Variants in ADAMTS14 observed in about 807,000 individuals in gnomAD.
ADAMTS14 encodes the protein A disintegrin and metalloproteinase with thrombospondin motifs 14.
ADAMTS14 carries 100 observed loss-of-function variants against 128.6 expected under a neutral mutation model. The observed-to-expected ratio is 0.78, with a 90% CI of 0.66 to 0.92. The LOEUF is 0.92. Ranked by LOEUF, ADAMTS14 falls within the 40% of genes least tolerant of loss-of-function variation. ADAMTS14 has a pLI of 0.00. For synonymous variants in ADAMTS14, 665 were observed against 653.8 expected, an observed-to-expected ratio of 1.02 and a Z score of -0.26; for missense variants, 1,562 against 1,658.6, an observed-to-expected ratio of 0.94 and a Z score of 1.01.
chr10:70,760,758 C>G lies in ADAMTS14; in HGVS notation c.3577C>G (p.Gln1193Glu). The change falls in exon 22 of 22, where the codon CAG (glutamine) becomes GAG (glutamate). Residue 1193 changes from glutamine (Q) to glutamate (E), a missense_variant. Physicochemically the swap from Gln to Glu is conservative, Grantham distance 29. Coordinates refer to ENST00000373207, the MANE Select transcript of ADAMTS14 (RefSeq NM_080722.4). ...TPGGLPWGWT[Q>E]TPTPVPEDKG... ...CGGGGGGCTGCCTTGGGGCTGGACT[C>G]AGACACCTACGCCAGTCCCTGAGGA... The G allele has an allele frequency of 6.2e-7, 1 of 1,613,790 alleles. No homozygotes were observed.
intron 4 of ADAMTS14, among the ~76,000 whole-genome samples, chr10:70,712,317 G>T (rs1012589850): frequency 1.3e-5 from 2 of 152,174 alleles, no homozygotes; most frequent in Non-Finnish European, 2.9e-5. Flanking sequence ...TGGGTCCCAC[G>T]GCCCAAAACT....
intron 12 of ADAMTS14, among the ~76,000 whole-genome samples, chr10:70,742,690 CT>C (rs1479756917): frequency 6.6e-6 from 1 of 152,234 alleles, no homozygotes; most frequent in Non-Finnish European, 1.5e-5. Flanking sequence ...GGCAGCTGGA[CT>C]TTGGGTTTTT....
At chr10:70,743,815 C>G in intron 13 of ADAMTS14, 134 bp downstream of exon 13, 1 of 1,339,506 alleles carries the variant, frequency 7.5e-7, no homozygotes, top group Non-Finnish European at 9.9e-7. Flanking sequence ...TCAGCATAGC[C>G]CTGGGGTGCT....
At chr10:70,703,151 G>A (rs1443116161) in intron 3 of ADAMTS14, among the ~76,000 whole-genome samples, 1 of 152,208 alleles carries the variant, frequency 6.6e-6, no homozygotes, top group Non-Finnish European at 1.5e-5. Context: ...GTTAGGGTGG[G>A]AACCCCCTGA....
chr10:70,708,519 G>T, intron 3 of ADAMTS14, 69 bp from the exon 4 acceptor site: 6 of 1,395,480 alleles, frequency 4.3e-6, no homozygotes, highest in Non-Finnish European at 5.9e-6. Flanking sequence ...AGAGGTGGGT[G>T]GTGGGCAATG....
chr10:70,720,722 C>T (rs944374161), intron 4 of ADAMTS14, among the ~76,000 whole-genome samples: 2 of 152,236 alleles, frequency 1.3e-5, no homozygotes, highest in Non-Finnish European at 2.9e-5. Context: ...TGCGTGCACA[C>T]ATATAATACG....
intron 4 of ADAMTS14, among the ~76,000 whole-genome samples, chr10:70,722,320 G>C (rs1388803404): frequency 6.6e-6 from 1 of 152,202 alleles, no homozygotes; most frequent in African/African-American, 2.4e-5. Context: ...CCCTAGGACT[G>C]AGAAAGGACA....
intron 19 of ADAMTS14, among the ~76,000 whole-genome samples, chr10:70,756,892 C>T (rs1045033171): frequency 6.6e-6 from 1 of 152,192 alleles, no homozygotes; most frequent in African/African-American, 2.4e-5. Context: ...TGACCCTATT[C>T]ATATAATCAA....
chr10:70,752,457 C>G (rs1246469934), intron 18 of ADAMTS14, among the ~76,000 whole-genome samples: 1 of 152,180 alleles, frequency 6.6e-6, no homozygotes, highest in South Asian at 2.1e-4. Context: ...CTGCCAGCCC[C>G]CAGCCATGGT....
Position 70,752,220 on chromosome 10 carries a change from C to T in ADAMTS14, c.2722C>T (p.Gln908Ter). 1 of 1,613,634 alleles carries T rather than the reference C, an allele frequency of 6.2e-7. No homozygotes were observed. The highest frequency in any genetic ancestry group is 1.3e-5 in the African/African-American group (1 of 75,072). Reference protein sequence around the residue: ...RRRCNQHPCSQPVWVTEEWGA... With the variant: ...RRRCNQHPCS ...GCGCTGCAACCAGCACCCGTGCTCT[C>T]AGCCTGTGTGAGTGCTCCCAGGGAG... Residue 908 changes from glutamine to a stop codon, truncating the protein, a stop_gained, in exon 18 of 22, where the codon CAG becomes TAG. Transcript: ENST00000373207. LOFTEE classifies it high-confidence loss of function.
At chr10:70,707,858 ACACT>A (rs1840714715) in intron 3 of ADAMTS14, among the ~76,000 whole-genome samples, 2 of 152,212 alleles carry the variant, frequency 1.3e-5, no homozygotes, top group Non-Finnish European at 2.9e-5. Context: ...GAACACAGAC[ACACT>A]CACTCACAGT....
At chr10:70,681,873 G>A (rs1363874243) in intron 2 of ADAMTS14, among the ~76,000 whole-genome samples, 1 of 152,218 alleles carries the variant, frequency 6.6e-6, no homozygotes, top group Non-Finnish European at 1.5e-5. Flanking sequence ...GGGCACCAGA[G>A]CCCTGTGTGT....
intron 3 of ADAMTS14, among the ~76,000 whole-genome samples, chr10:70,703,759 TG>T (rs34578899): frequency 1.3e-5 from 2 of 152,288 alleles, no homozygotes; most frequent in African/African-American, 4.8e-5. Flanking sequence ...GGTGGGCAGC[TG>T]GGAAGCTGAG....
chr10:70,742,503 C>T (rs1470523736), intron 12 of ADAMTS14, among the ~76,000 whole-genome samples: 1 of 152,244 alleles, frequency 6.6e-6, no homozygotes, highest in Non-Finnish European at 1.5e-5. Flanking sequence ...GACTTGAGTC[C>T]TTCATGCTGG....
rs544886749 is a variant in ADAMTS14, at chr10:70,751,413, C to T, written c.2428-65C>T. Reference sequence around the variant, plus strand: ...CTAAGGCCTTCTCTTCGGCCCCTCCCCTCCCAGTGCATGCCGCCCTTGCTT... The same window carrying T: ...CTAAGGCCTTCTCTTCGGCCCCTCCTCTCCCAGTGCATGCCGCCCTTGCTT... On this transcript the variant is annotated intron_variant, in intron 16 of 21. Coordinates refer to ENST00000373207, the MANE Select transcript of ADAMTS14 (RefSeq NM_080722.4). The T allele has an allele frequency of 2.1e-5, 32 of 1,511,074 alleles. No homozygotes were observed. In the African/African-American group the frequency reaches 3.8e-4, roughly 18 times the overall value. 93.6% of individuals were successfully genotyped at this position (1,511,074 alleles called of 1,614,324 possible).
intron 2 of ADAMTS14, 85 bp from the exon 3 acceptor site, chr10:70,702,227 A>G: frequency 6.3e-7 from 1 of 1,580,140 alleles, no homozygotes; most frequent in Non-Finnish European, 8.6e-7. Context: ...ACATATGTGC[A>G]TTCACAGATG....
intron 4 of ADAMTS14, among the ~76,000 whole-genome samples, chr10:70,727,201 G>A (rs1169173641): frequency 6.6e-6 from 1 of 152,240 alleles, no homozygotes; most frequent in African/African-American, 2.4e-5. Context: ...CGTGCTTACA[G>A]CCTGGCTGCC....
chr10:70,742,457 A>G (rs1376570884), intron 12 of ADAMTS14, among the ~76,000 whole-genome samples: 2 of 152,198 alleles, frequency 1.3e-5, no homozygotes, highest in African/African-American at 4.8e-5. Context: ...GTTCCTGTGG[A>G]TGAAATCCAA....
intron 2 of ADAMTS14, among the ~76,000 whole-genome samples, chr10:70,681,460 C>T (rs1839799044): frequency 6.6e-6 from 1 of 152,184 alleles, no homozygotes; most frequent in Non-Finnish European, 1.5e-5. Flanking sequence ...AAATGTCAAC[C>T]TCACCATGGA....
Sources: allele counts gnomAD v4.1 joint callset (sites outside exome capture counted in the v4.1 genomes callset), GRCh38; gene constraint gnomAD v4.1.1; transcripts MANE v1.5; gene names NCBI Gene and HGNC (gene_info 2026-07-23, HGNC 2026-07-21).